GALNT13: variants seen among roughly 807,000 people sequenced by gnomAD.
The protein encoded by GALNT13 is UDP-GalNAc:polypeptide N-acetylgalactosaminyltransferase 13.
In GALNT13, 28 loss-of-function variants were observed where a neutral mutation model predicts 64.2. The observed-to-expected ratio is 0.44, with a 90% CI of 0.32 to 0.60. The LOEUF (loss-of-function observed/expected upper bound fraction) is 0.60, where lower values mean the gene tolerates loss of function less well. Among genes scored for constraint, GALNT13 ranks in the 20% least tolerant of loss-of-function variants. The pLI is 0.05. For synonymous variants in GALNT13, 214 were observed against 224.6 expected (o/e 0.95, Z 0.42); for missense variants, 577 against 669.8 (o/e 0.86, Z 1.53).
chr2:153,309,041 G>C, the GALNT13 span, among the ~76,000 whole-genome samples: 1 of 152,066 alleles, frequency 6.6e-6, no homozygotes, highest in Non-Finnish European at 1.5e-5. Flanking sequence ...AGAATTAGGA[G>C]ATTACATAGG....
At chr2:153,445,386 G>A in the GALNT13 span, among the ~76,000 whole-genome samples, 2 of 151,924 alleles carry the variant, frequency 1.3e-5, no homozygotes, top group Admixed American at 1.3e-4. Context: ...AAAATATAAT[G>A]AGTTTTTTTG....
chr2:153,396,615 A>C, the GALNT13 span, among the ~76,000 whole-genome samples: 3 of 152,122 alleles, frequency 2.0e-5, no homozygotes, highest in African/African-American at 7.2e-5. Context: ...CTGGAGCCCC[A>C]GCCAGAGACA....
At chr2:153,108,073 T>C in the GALNT13 span, among the ~76,000 whole-genome samples, 1 of 152,130 alleles carries the variant, frequency 6.6e-6, no homozygotes, top group East Asian at 1.9e-4. Flanking sequence ...AGACAGGGTT[T>C]TGCCATGTTG....
In GALNT13 at chr2:154,355,602, A is replaced by G. The variant is rs907855530; in HGVS notation, c.1157-40389A>G. Reference sequence around the variant, plus strand: ...ATAAAAGCTCATTGTAGTGCTGGGAAAAGTAAGTCATTCATTATCATTACT... The same window carrying G: ...ATAAAAGCTCATTGTAGTGCTGGGAGAAGTAAGTCATTCATTATCATTACT... On this transcript the variant is annotated intron_variant, in intron 9 of 12. Transcript: ENST00000392825. 2.0e-5 allele frequency among the ~76,000 whole-genome samples: 3 copies of G among 152,198 alleles called. No homozygotes were observed. In the South Asian group the frequency reaches 6.2e-4, roughly 32 times the overall value.
chr2:153,567,200 A>AT, the GALNT13 span, among the ~76,000 whole-genome samples: 1 of 152,162 alleles, frequency 6.6e-6, no homozygotes, highest in Non-Finnish European at 1.5e-5. Context: ...GAGACCAAAA[A>AT]ATATATATTC....
At chr2:153,743,515 C>G in the GALNT13 span, among the ~76,000 whole-genome samples, 5 of 64,788 alleles carry the variant, frequency 7.7e-5, no homozygotes, top group Non-Finnish European at 1.6e-4. Context: ...TTCTTTGAAG[C>G]TTTTTGTTTA....
At chr2:153,262,153 A>T in the GALNT13 span, among the ~76,000 whole-genome samples, 3 of 152,118 alleles carry the variant, frequency 2.0e-5, no homozygotes, top group South Asian at 4.2e-4. Context: ...TAGCCACCAC[A>T]GTTGATAATG....
At chr2:153,814,313 G>A in the GALNT13 span, among the ~76,000 whole-genome samples, 3 of 152,096 alleles carry the variant, frequency 2.0e-5, no homozygotes, top group South Asian at 2.1e-4. Context: ...GGTGGCGGGC[G>A]CCTGTAGTCC....
At chr2:153,271,019 C>T in the GALNT13 span, among the ~76,000 whole-genome samples, 1 of 152,072 alleles carries the variant, frequency 6.6e-6, no homozygotes, top group Non-Finnish European at 1.5e-5. Flanking sequence ...AAAAAAACCA[C>T]ATAATTATCT....
At chr2:154,071,060 T>C (rs1700716678) in intron 3 of GALNT13, among the ~76,000 whole-genome samples, 1 of 152,148 alleles carries the variant, frequency 6.6e-6, no homozygotes, top group African/African-American at 2.4e-5. Flanking sequence ...GGTTGTCTTT[T>C]CTAAAACTCC....
intron 9 of GALNT13, among the ~76,000 whole-genome samples, chr2:154,387,929 A>G (rs1698594222): frequency 6.6e-6 from 1 of 152,160 alleles, no homozygotes; most frequent in African/African-American, 2.4e-5. Flanking sequence ...TTTCCTTTAT[A>G]TAAACTCAGA....
At chr2:153,155,943 C>T in the GALNT13 span, among the ~76,000 whole-genome samples, 1 of 152,152 alleles carries the variant, frequency 6.6e-6, no homozygotes, top group Admixed American at 6.5e-5. Flanking sequence ...TCTTTGTTCT[C>T]ATTGCTTTTC....
chr2:153,649,561 T>G, the GALNT13 span, among the ~76,000 whole-genome samples: 1 of 148,862 alleles, frequency 6.7e-6, no homozygotes, highest in Non-Finnish European at 1.5e-5. Flanking sequence ...GATGTTAGGG[T>G]GTCAATTTTG....
chr2:153,650,478 T>C, the GALNT13 span, among the ~76,000 whole-genome samples: 1 of 152,210 alleles, frequency 6.6e-6, no homozygotes, highest in African/African-American at 2.4e-5. Context: ...AAGGTTAATA[T>C]TGTTATGTGT....
intron 3 of GALNT13, among the ~76,000 whole-genome samples, chr2:154,089,812 CT>C (rs58287232): frequency 0.25 from 34,571 of 140,784 alleles, 4,213 homozygotes; most frequent in Non-Finnish European, 0.29. Flanking sequence ...AGATATTACC[CT>C]TTTTTTTTTT....
chr2:153,628,917 A>C, the GALNT13 span, among the ~76,000 whole-genome samples: 1 of 152,150 alleles, frequency 6.6e-6, no homozygotes, highest in African/African-American at 2.4e-5. Flanking sequence ...TTTCAGAATG[A>C]GTGGTACCAG....
At chr2:154,328,913 A>G (rs1205786472) in intron 9 of GALNT13, among the ~76,000 whole-genome samples, 5 of 152,154 alleles carry the variant, frequency 3.3e-5, no homozygotes, top group South Asian at 2.1e-4. Flanking sequence ...TGTTCATGAC[A>G]TTAAGCATCA....
the GALNT13 span, among the ~76,000 whole-genome samples, chr2:153,295,569 C>T: frequency 1.3e-5 from 2 of 151,372 alleles, no homozygotes. Context: ...CACCTCAGAT[C>T]CTCTGGGTAT....
At chr2:153,114,028 C>T in the GALNT13 span, among the ~76,000 whole-genome samples, 1 of 152,070 alleles carries the variant, frequency 6.6e-6, no homozygotes, top group South Asian at 2.1e-4. Context: ...AGTTGCCCAA[C>T]CCCATTTTAG....
Sources: gnomAD v4.1 joint callset for allele counts (sites outside exome capture counted in the v4.1 genomes callset) on GRCh38, gnomAD v4.1.1 for gene constraint, MANE v1.5 for transcripts, NCBI Gene and HGNC (gene_info 2026-07-23, HGNC 2026-07-21) for gene names.